Variants in PILRA observed in about 807,000 individuals in gnomAD.
PILRA encodes paired immunoglobulin-like type 2 receptor alpha.
A neutral mutation model predicts 33.1 loss-of-function variants in PILRA; 37 were observed. That is an observed-to-expected ratio of 1.12 (90% CI 0.86 to 1.47). The LOEUF (loss-of-function observed/expected upper bound fraction) is 1.47, where lower values mean the gene tolerates loss of function less well. PILRA is among the 40% of genes most tolerant of loss of function. The probability of loss-of-function intolerance (pLI) is 0.00; values close to 1 mark genes in which losing one functional copy is unlikely to be tolerated. For missense variants in PILRA, 312 were observed against 376.2 expected (o/e 0.83, Z 1.41); for synonymous variants, 146 against 149.9 (o/e 0.97, Z 0.19).
At chr7:100,379,745 C>T (rs1212401826) in intron 2 of PILRA, among the ~76,000 whole-genome samples, 2 of 151,668 alleles carry the variant, frequency 1.3e-5, no homozygotes, top group Non-Finnish European at 2.9e-5. Context: ...TACCACCACC[C>T]TCTCCCAGAG....
At chr7:100,373,414 T>C (rs1790862084), upstream of PILRA, 1 of 594,606 alleles carries the variant, frequency 1.7e-6, no homozygotes, top group African/African-American at 1.9e-5. Flanking sequence ...CAGGGCTGAC[T>C]TGGCACTGAC....
At chr7:100,387,220 A>ACTT (rs1791273619) in intron 2 of PILRA, among the ~76,000 whole-genome samples, 1 of 152,166 alleles carries the variant, frequency 6.6e-6, no homozygotes, top group African/African-American at 2.4e-5. Flanking sequence ...GGTATATACT[A>ACTT]CTTCTTCGTT....
At chr7:100,384,429 A>ATTT (rs1157446711) in intron 2 of PILRA, among the ~76,000 whole-genome samples, 1 of 134,194 alleles carries the variant, frequency 7.5e-6, no homozygotes. Context: ...AAAAAAAAAA[A>ATTT]TTTTTTTTTT....
intron 2 of PILRA, among the ~76,000 whole-genome samples, chr7:100,383,153 G>A (rs1283161795): frequency 1.3e-5 from 2 of 152,152 alleles, no homozygotes; most frequent in Non-Finnish European, 2.9e-5. Context: ...TAACTGGGGA[G>A]ACCTTAGAGT....
intron 3 of PILRA, among the ~76,000 whole-genome samples, chr7:100,394,955 A>G (rs961565585): frequency 6.6e-6 from 1 of 152,228 alleles, no homozygotes; most frequent in Non-Finnish European, 1.5e-5. Flanking sequence ...CAAAAGAAAA[A>G]ATAGACAAAT....
intron 2 of PILRA, among the ~76,000 whole-genome samples, chr7:100,375,635 G>T (rs1333630024): frequency 2.0e-5 from 3 of 152,236 alleles, no homozygotes; most frequent in Non-Finnish European, 4.4e-5. Context: ...GGGAGGCTGA[G>T]GCAGGAGAAT....
chr7:100,374,966 T>G (rs1282595116), intron 2 of PILRA, among the ~76,000 whole-genome samples: 1 of 152,154 alleles, frequency 6.6e-6, no homozygotes, highest in Non-Finnish European at 1.5e-5. Flanking sequence ...CCCTATCACC[T>G]GGGTTCCCAT....
chr7:100,382,280 G>T (rs536875736), intron 2 of PILRA, among the ~76,000 whole-genome samples: 40 of 152,162 alleles, frequency 2.6e-4, no homozygotes, highest in Admixed American at 2.0e-4. Flanking sequence ...TCTACGTCAA[G>T]GTTTGTGAAT....
At chr7:100,375,824 A>G (rs1397952089) in intron 2 of PILRA, among the ~76,000 whole-genome samples, 1 of 152,266 alleles carries the variant, frequency 6.6e-6, no homozygotes, top group Non-Finnish European at 1.5e-5. Context: ...GGCTTCGCCT[A>G]TTGAGTTGAC....
chr7:100,390,103 A>AAAGGT lies in PILRA; in HGVS notation c.673+1_673+5dup, dbSNP rs756924404. The AAAGGT allele has an allele frequency of 1.2e-6, 2 of 1,613,622 alleles. No individual in the cohort carries two copies. Among genetic ancestry groups the AAAGGT allele is most frequent in the Non-Finnish European group, 1.7e-6 (2 of 1,179,684 alleles). ...CTGCCTCCTCAGGTGGAGGAGAAGG[A>AAAGGT]AAGGTAAGTGCCCAGGACCCGCCCT... On this transcript the variant is annotated frameshift_variant, in exon 3 of 7. Coordinates refer to ENST00000198536, the MANE Select transcript of PILRA (RefSeq NM_013439.3). LOFTEE classifies it high-confidence loss of function.
chr7:100,384,963 G>T (rs1231299111), intron 2 of PILRA, among the ~76,000 whole-genome samples: 3 of 152,174 alleles, frequency 2.0e-5, no homozygotes, highest in African/African-American at 7.2e-5. Context: ...AAGGGAGATG[G>T]TGTCCCAGAA....
intron 2 of PILRA, among the ~76,000 whole-genome samples, chr7:100,380,970 C>A (rs1469773679): frequency 1.4e-5 from 2 of 144,800 alleles, no homozygotes; most frequent in Non-Finnish European, 3.0e-5. Flanking sequence ...GACTCCATCT[C>A]CAAAAAAAAC....
chr7:100,382,906 C>A (rs556336746), intron 2 of PILRA, among the ~76,000 whole-genome samples: 2 of 152,282 alleles, frequency 1.3e-5, no homozygotes, highest in African/African-American at 4.8e-5. Flanking sequence ...GGACACGCCG[C>A]CTTTAAGAAT....
chr7:100,387,309 G>A (rs767963372), intron 2 of PILRA, among the ~76,000 whole-genome samples: 53 of 152,282 alleles, frequency 3.5e-4, no homozygotes, highest in Middle Eastern at 3.4e-3. Context: ...CGCCTCCCAG[G>A]TTCAAGTGAT....
intron 2 of PILRA, among the ~76,000 whole-genome samples, chr7:100,383,196 G>C (rs1249633351): frequency 6.6e-6 from 1 of 152,186 alleles, no homozygotes; most frequent in Non-Finnish European, 1.5e-5. Context: ...TCAGGGACGG[G>C]GAGGTACCCT....
rs767993117 is a variant in PILRA at position 100,390,056 on chromosome 7, G to C, written c.623G>C (p.Gly208Ala). 6 of 1,614,074 alleles carry C rather than the reference G, an allele frequency of 3.7e-6. No individual in the cohort carries two copies. Among genetic ancestry groups the C allele is most frequent in the Non-Finnish European group, 5.1e-6 (6 of 1,179,994 alleles). ...VGVAVAVTVL[G>A]IMILGLICLL... Reference sequence around the variant, plus strand: ...GTGGCAGTGGCTGTCACTGTGCTCGGAATCATGATTTTGGGACTGATCTGC... The same window carrying C: ...GTGGCAGTGGCTGTCACTGTGCTCGCAATCATGATTTTGGGACTGATCTGC... Residue 208 changes from glycine (G) to alanine (A), a missense_variant, in exon 3 of 7, where the codon GGA becomes GCA. Coordinates refer to ENST00000198536, the MANE Select transcript of PILRA (RefSeq NM_013439.3).
At chr7:100,375,272 C>T (rs560676235) in intron 2 of PILRA, among the ~76,000 whole-genome samples, 1 of 152,334 alleles carries the variant, frequency 6.6e-6, no homozygotes, top group African/African-American at 2.4e-5. Flanking sequence ...CATGGCATGG[C>T]CCTGGCAAAT....
chr7:100,391,038 G>A (rs1393589390), intron 3 of PILRA, among the ~76,000 whole-genome samples: 3 of 152,064 alleles, frequency 2.0e-5, no homozygotes, highest in African/African-American at 7.2e-5. Context: ...GGTGAGGTGC[G>A]TTGAGGTGGC....
chr7:100,387,551 A>T (rs976924733), intron 2 of PILRA, among the ~76,000 whole-genome samples: 3 of 152,206 alleles, frequency 2.0e-5, no homozygotes, highest in Non-Finnish European at 2.9e-5. Context: ...TTTTAAAAAT[A>T]TCACCCAGGC....
Sources: allele counts gnomAD v4.1 joint callset (sites outside exome capture counted in the v4.1 genomes callset), GRCh38; gene constraint gnomAD v4.1.1; transcripts MANE v1.5; gene names NCBI Gene and HGNC (gene_info 2026-07-23, HGNC 2026-07-21).